ABCA3: variants seen among roughly 807,000 people sequenced by gnomAD.
ABCA3 encodes phospholipid-transporting ATPase ABCA3.
In ABCA3, 88 loss-of-function variants were observed where a neutral mutation model predicts 172.8. That is an observed-to-expected ratio of 0.51 (90% CI 0.43 to 0.61). The LOEUF is 0.61. ABCA3 is among the 20% of genes least tolerant of loss of function. The pLI, the probability that ABCA3 is intolerant of heterozygous loss-of-function variation, is 0.00. For synonymous variants in ABCA3, 1,066 were observed against 983.8 expected (o/e 1.08, Z -1.56); for missense variants, 2,164 against 2,301.0 (o/e 0.94, Z 1.22).
At chr16:2,338,479 G>T (rs2093755317) in intron 1 of ABCA3, among the ~76,000 whole-genome samples, 1 of 152,210 alleles carries the variant, frequency 6.6e-6, no homozygotes, top group African/African-American at 2.4e-5. Context: ...CTTTAAGACA[G>T]AAACTGACAT....
At position 2,278,244 on chromosome 16, in the gene ABCA3, AC is replaced by A; in HGVS notation, c.4718+43del. 1 of 1,602,994 alleles carries A rather than the reference AC, an allele frequency of 6.2e-7. No homozygotes were observed. Among genetic ancestry groups the A allele is most frequent in the South Asian group, 1.1e-5 (1 of 91,042 alleles). ...TGGCCACCTGGCTCCTCCATGGCCC[AC>A]CCGGTGCTGAAACTTCCAGTAACCC... On this transcript the variant is annotated intron_variant, in intron 30 of 32. Transcript: ENST00000301732. This position sits in a 1 kb window ranked among gnomAD's most constrained non-coding sequence, Gnocchi z 4.4.
In ABCA3 at chr16:2,277,421, C is replaced by T; in HGVS notation, c.4983+176G>A. 6.6e-6 allele frequency among the ~76,000 whole-genome samples: 1 copy of T among 152,158 alleles called. No homozygotes were observed. The highest frequency in any genetic ancestry group is 6.5e-5 in the Admixed American group (1 of 15,282). ...GTTTTACACTGAATTCCTTTTACCA[C>T]TGATAATTTTGGATATAAAACCCCC... is the stretch of plus-strand genomic sequence containing the variant. On this transcript the variant is annotated intron_variant, in intron 32 of 32. Transcript: ENST00000301732. The surrounding 1 kb of genome is among the most constrained non-coding windows in gnomAD (Gnocchi z 5.3).
At chr16:2,290,694 G>GTCCC (rs1024672199) in intron 19 of ABCA3, among the ~76,000 whole-genome samples, 5 of 152,192 alleles carry the variant, frequency 3.3e-5, no homozygotes, top group African/African-American at 1.2e-4. Flanking sequence ...TCAGCGGGCA[G>GTCCC]TCCCTCCCTC....
At chr16:2,332,668 T>G in intron 1 of ABCA3, 2 of 1,601,116 alleles carry the variant, frequency 1.2e-6, no homozygotes, top group Non-Finnish European at 1.7e-6. Context: ...GATGAGACCA[T>G]TGCCGCGTTT....
At chr16:2,305,764 GGGGGTCT>G (rs2093696721) in intron 11 of ABCA3, among the ~76,000 whole-genome samples, 1 of 151,574 alleles carries the variant, frequency 6.6e-6, no homozygotes, top group Non-Finnish European at 1.5e-5. Context: ...TTGTAGTGAT[GGGGGTCT>G]TGCTATGTTG....
rs777491591 is a variant in ABCA3, at chr16:2,289,445, G to C, written c.2689C>G (p.Leu897Val). ...ACCTGGGCACTCACCCCAGTGTTGA[G>C]CTTGACAGCGGTGCGCTCCTCCTCG... is the stretch of plus-strand genomic sequence containing the variant. ...LIEEERTAVK[L>V]NTGLALHCQQ... Residue 897 changes from leucine (L) to valine (V), a missense_variant, in exon 20 of 33, where the codon CTC becomes GTC. By Grantham distance (32) the Leu-to-Val change is conservative. Around this residue, in one of 3 missense-constraint regions of ABCA3, gnomAD observed 1,343 missense variants for 1,369.6 expected, o/e 0.98. Transcript: ENST00000301732. The C allele has an allele frequency of 2.5e-6, 4 of 1,583,354 alleles. No individual in the cohort carries two copies. The highest frequency in any genetic ancestry group is 1.1e-5 in the South Asian group (1 of 86,964).
intron 5 of ABCA3, among the ~76,000 whole-genome samples, chr16:2,325,429 G>C (rs1056824932): frequency 6.6e-6 from 1 of 152,156 alleles, no homozygotes; most frequent in African/African-American, 2.4e-5. Context: ...GTACAATCAG[G>C]CATGGCCACA....
intron 11 of ABCA3, 63 bp downstream of exon 11, chr16:2,308,387 T>A: frequency 6.2e-7 from 1 of 1,603,062 alleles, no homozygotes. Flanking sequence ...GCGGCTCTTG[T>A]GGTTGGGTGC....
intron 12 of ABCA3, among the ~76,000 whole-genome samples, chr16:2,303,562 GCCTGGCCGAATGTGAACATTTTTA>G (rs1279558627): frequency 1.3e-5 from 2 of 152,058 alleles, no homozygotes; most frequent in Non-Finnish European, 2.9e-5. Context: ...GAGCCACCAC[GCCTGGCCGAATGTGAACATTTTTA>G]TAAGAAGCTA....
chr16:2,314,464 G>T (rs2093711650), intron 10 of ABCA3, among the ~76,000 whole-genome samples: 1 of 151,944 alleles, frequency 6.6e-6, no homozygotes. Flanking sequence ...GAAGGGGGGT[G>T]GGGGAGTCAG....
At position 2,316,527 on chromosome 16, in the gene ABCA3, A is replaced by T. The variant is rs990722938; in HGVS notation, c.1111+756T>A. 3.7e-5 allele frequency among the ~76,000 whole-genome samples: 5 copies of T among 136,788 alleles called. No homozygotes were observed. The South Asian group carries it at 1.2e-3, about 32-fold the overall frequency. 89.7% of individuals were successfully genotyped at this position (136,788 alleles called of 152,430 possible). ...AAAAAAAAAAAAAAAAAAAAAAAAA[A>T]ATTAGCCAGGCGTGGTGGCACACGC... On this transcript the variant is annotated intron_variant, in intron 10 of 32. Coordinates refer to ENST00000301732, the MANE Select transcript of ABCA3 (RefSeq NM_001089.3).
In ABCA3 at chr16:2,279,838, C is replaced by A. The variant is rs1027914265; in HGVS notation, c.4360-708G>T. ...CTCGGCTCACTACAACCTCTGCCTC[C>A]CAGGCTCAAGTGATTCTCATGCCTC... On this transcript the variant is annotated intron_variant, in intron 28 of 32. Transcript: ENST00000301732. This position sits in a 1 kb window ranked among gnomAD's most constrained non-coding sequence, Gnocchi z 4.4. Among the ~76,000 whole-genome samples the A allele has an allele frequency of 3.9e-5, 6 of 151,964 alleles. No homozygotes were observed. Among genetic ancestry groups the A allele is most frequent in the African/African-American group, 1.5e-4 (6 of 41,364 alleles).
rs528785093 is a variant in ABCA3, at chr16:2,276,417, C to A, written c.*257G>T. 6.2e-5 allele frequency: 41 copies of A among 657,396 alleles called. 1 individual carries two copies. The Admixed American group carries it at 8.7e-4, about 14-fold the overall frequency. 40.7% of individuals were successfully genotyped at this position (657,396 alleles called of 1,614,324 possible). On this transcript the variant is annotated 3_prime_UTR_variant, in exon 33 of 33. Transcript: ENST00000301732. Reference sequence around the variant, plus strand: ...CCACCCAGAGACCCCGGAGCTTGCCCGCAGACTGCCCGGCCTGCCCCAGCT... The same window carrying A: ...CCACCCAGAGACCCCGGAGCTTGCCAGCAGACTGCCCGGCCTGCCCCAGCT...
intron 12 of ABCA3, among the ~76,000 whole-genome samples, chr16:2,300,990 G>A (rs1435688852): frequency 6.7e-6 from 1 of 150,080 alleles, no homozygotes; most frequent in Non-Finnish European, 1.5e-5. Flanking sequence ...CAGCACTTTG[G>A]GAGGCCGAGG....
At position 2,287,562 on chromosome 16, in the gene ABCA3, G is replaced by A. The variant is rs1423207095; in HGVS notation, c.3004+464C>T. On this transcript the variant is annotated intron_variant, in intron 21 of 32. Coordinates refer to ENST00000301732, the MANE Select transcript of ABCA3 (RefSeq NM_001089.3). This position sits in a 1 kb window ranked among gnomAD's most constrained non-coding sequence, Gnocchi z 4.1. ...CAAAGTAGTGGGATGACAGGTGTGA[G>A]CTACTGTGCCTGGCCAAGAACTGTG... Among the ~76,000 whole-genome samples, 1 of 152,192 alleles carries A rather than the reference G, an allele frequency of 6.6e-6. No individual in the cohort carries two copies. Among genetic ancestry groups the A allele is most frequent in the African/African-American group, 2.4e-5 (1 of 41,424 alleles).
intron 19 of ABCA3, 88 bp downstream of exon 19, chr16:2,292,052 A>G: frequency 9.7e-7 from 1 of 1,030,868 alleles, no homozygotes; most frequent in East Asian, 2.5e-5. Flanking sequence ...CAGCCTGGGC[A>G]ACTAGAGTGA....
Position 2,308,543 on chromosome 16 carries a change from A to T in ABCA3, c.1192T>A (p.Trp398Arg), listed in dbSNP as rs1312793366. ...CAGAGCTTCTGGCTCAGAGTCATCC[A>T]GTTGTACCGAGGGGCCACGAAGAAG... is the stretch of plus-strand genomic sequence containing the variant. ...PYFFVAPRYNWMTLSQKLCSC... is the reference protein window; with the variant it reads ...PYFFVAPRYNRMTLSQKLCSC... The change falls in exon 11 of 33, where the codon TGG becomes AGG. Residue 398 changes from tryptophan (W) to arginine (R), a missense_variant. Trp to Arg is a moderately radical substitution (Grantham distance 101). Coordinates refer to ENST00000301732, the MANE Select transcript of ABCA3 (RefSeq NM_001089.3). The T allele has an allele frequency of 6.2e-7, 1 of 1,614,230 alleles. No homozygotes were observed. Among genetic ancestry groups the T allele is most frequent in the Non-Finnish European group, 8.5e-7 (1 of 1,180,034 alleles).
At chr16:2,291,759 G>A (rs934005893) in intron 19 of ABCA3, among the ~76,000 whole-genome samples, 12 of 152,202 alleles carry the variant, frequency 7.9e-5, no homozygotes, top group African/African-American at 2.4e-5. Context: ...TAACCGAGGT[G>A]ACTGTTTATC....
chr16:2,320,556 A>C (rs1057377672), intron 7 of ABCA3, among the ~76,000 whole-genome samples: 10 of 140,238 alleles, frequency 7.1e-5, no homozygotes, highest in African/African-American at 2.6e-4. Context: ...CGCCCAGCTA[A>C]TTTTTTTTTT....
Sources: gnomAD v4.1 joint callset for allele counts (sites outside exome capture counted in the v4.1 genomes callset) on GRCh38, gnomAD v4.1.1 for gene constraint, gnomAD v4.1.1 regional missense constraint, Gnocchi (gnomAD v3.1) non-coding constraint, MANE v1.5 for transcripts, NCBI Gene and HGNC (gene_info 2026-07-23, HGNC 2026-07-21) for gene names.